MITF: variants seen among roughly 807,000 people sequenced by gnomAD.
The protein encoded by MITF is melanocyte inducing transcription factor.
In MITF, 17 loss-of-function variants were observed where a neutral mutation model predicts 60.5. The ratio of observed to expected loss-of-function variants is 0.28; its 90% confidence interval spans 0.19 to 0.42. MITF has a LOEUF of 0.42. MITF is among the 10% of genes least tolerant of loss of function. The pLI is 1.00. For missense variants in MITF, 622 were observed against 683.5 expected (o/e 0.91, Z 1.00); for synonymous variants, 260 against 248.5 (o/e 1.05, Z -0.43).
intron 2 of MITF, among the ~76,000 whole-genome samples, chr3:69,887,351 G>A (rs1170879344): frequency 6.6e-6 from 1 of 151,980 alleles, no homozygotes; most frequent in Non-Finnish European, 1.5e-5. Flanking sequence ...TACTAAAATC[G>A]GTGGGTGTGA....
At chr3:69,873,807 T>C (rs1011011864) in intron 1 of MITF, among the ~76,000 whole-genome samples, 2 of 152,220 alleles carry the variant, frequency 1.3e-5, no homozygotes, top group Non-Finnish European at 2.9e-5. Context: ...ATTTTACTAT[T>C]AGTTTCCAAA....
chr3:69,788,963 A>C (rs112209100), intron 1 of MITF, among the ~76,000 whole-genome samples: 36 of 152,310 alleles, frequency 2.4e-4, no homozygotes, highest in African/African-American at 8.4e-4. Context: ...TTCAAGACCT[A>C]AATGTAAGAC....
At chr3:69,942,033 T>C (rs2065980525) in intron 5 of MITF, among the ~76,000 whole-genome samples, 1 of 152,164 alleles carries the variant, frequency 6.6e-6, no homozygotes, top group African/African-American at 2.4e-5. Context: ...CAAGATTACA[T>C]AGCTTGGGTG....
intron 1 of MITF, among the ~76,000 whole-genome samples, chr3:69,806,273 G>T (rs1376307931): frequency 6.6e-6 from 1 of 151,950 alleles, no homozygotes; most frequent in Non-Finnish European, 1.5e-5. Context: ...TTTTGGTAGA[G>T]ACAGGGTTTT....
intron 1 of MITF, among the ~76,000 whole-genome samples, chr3:69,822,045 A>G (rs910395043): frequency 8.5e-5 from 13 of 152,172 alleles, no homozygotes; most frequent in Non-Finnish European, 1.6e-4. Context: ...GCCCAGCCCA[A>G]ACTGGATTTT....
At chr3:69,953,587 G>T (rs994652333) in intron 7 of MITF, among the ~76,000 whole-genome samples, 8 of 147,356 alleles carry the variant, frequency 5.4e-5, no homozygotes, top group Admixed American at 2.0e-4. Flanking sequence ...GTGTATGTGT[G>T]TATATATATA....
At chr3:69,907,997 G>A (rs1389910399) in intron 2 of MITF, among the ~76,000 whole-genome samples, 2 of 152,168 alleles carry the variant, frequency 1.3e-5, no homozygotes, top group African/African-American at 4.8e-5. Flanking sequence ...AAGAATGAGG[G>A]AAGTAAACCA....
At chr3:69,942,266 A>C (rs2065985744) in intron 5 of MITF, among the ~76,000 whole-genome samples, 2 of 152,286 alleles carry the variant, frequency 1.3e-5, no homozygotes, top group South Asian at 2.1e-4. Context: ...CAATGTGAAC[A>C]TACATAACAC....
At chr3:69,747,476 TG>T (rs1244562393) in intron 1 of MITF, among the ~76,000 whole-genome samples, 1 of 152,248 alleles carries the variant, frequency 6.6e-6, no homozygotes, top group East Asian at 1.9e-4. Flanking sequence ...TTCTCTCTTC[TG>T]TAAAACGGGA....
intron 4 of MITF, among the ~76,000 whole-genome samples, chr3:69,940,156 T>C (rs141571591): frequency 4.3e-4 from 65 of 152,302 alleles, no homozygotes; most frequent in African/African-American, 1.5e-3. Flanking sequence ...TGAACCCCCA[T>C]TTTATAGATT....
chr3:69,843,782 T>C (rs1232827524), intron 1 of MITF, among the ~76,000 whole-genome samples: 2 of 152,302 alleles, frequency 1.3e-5, no homozygotes, highest in African/African-American at 4.8e-5. Flanking sequence ...CTGGGATACA[T>C]GTGCAGAACG....
intron 1 of MITF, among the ~76,000 whole-genome samples, chr3:69,793,691 C>T (rs1324777960): frequency 6.6e-6 from 1 of 152,186 alleles, no homozygotes; most frequent in African/African-American, 2.4e-5. Context: ...CACTACTTTT[C>T]TTTATGTATT....
At chr3:69,923,927 A>C (rs1263516378) in intron 2 of MITF, among the ~76,000 whole-genome samples, 4 of 151,376 alleles carry the variant, frequency 2.6e-5, no homozygotes, top group Admixed American at 6.6e-5. Flanking sequence ...TTTTTTTGGC[A>C]AAGTACTTTT....
chr3:69,818,649 T>G (rs2063218956), intron 1 of MITF, among the ~76,000 whole-genome samples: 1 of 152,208 alleles, frequency 6.6e-6, no homozygotes, highest in African/African-American at 2.4e-5. Context: ...TAAATATTTG[T>G]TGAATGAAAA....
intron 2 of MITF, among the ~76,000 whole-genome samples, chr3:69,920,987 C>CAA (rs2065454381): frequency 6.6e-6 from 1 of 152,168 alleles, no homozygotes; most frequent in African/African-American, 2.4e-5. Context: ...CCTGCCTCAG[C>CAA]CTCCCAAGTA....
chr3:69,819,070 T>C (rs2063225631), intron 1 of MITF, among the ~76,000 whole-genome samples: 1 of 152,194 alleles, frequency 6.6e-6, no homozygotes, highest in Non-Finnish European at 1.5e-5. Flanking sequence ...AAAATGTGCA[T>C]GAACAAAAAC....
At chr3:69,824,400 A>AT (rs1437029393) in intron 1 of MITF, among the ~76,000 whole-genome samples, 2 of 152,076 alleles carry the variant, frequency 1.3e-5, no homozygotes, top group Non-Finnish European at 2.9e-5. Flanking sequence ...TGCTTCCTCT[A>AT]GGTTCTATGA....
At chr3:69,921,665 C>T (rs1374582857) in intron 2 of MITF, among the ~76,000 whole-genome samples, 1 of 152,158 alleles carries the variant, frequency 6.6e-6, no homozygotes, top group Non-Finnish European at 1.5e-5. Context: ...TGAAATAACT[C>T]TTGATAACTG....
chr3:69,800,569 C>T (rs2062903271), intron 1 of MITF, among the ~76,000 whole-genome samples: 1 of 152,092 alleles, frequency 6.6e-6, no homozygotes, highest in Non-Finnish European at 1.5e-5. Context: ...TTTGCATTCC[C>T]ACCAGCAATG....
Sources: allele counts gnomAD v4.1 joint callset (sites outside exome capture counted in the v4.1 genomes callset), GRCh38; gene constraint gnomAD v4.1.1; transcripts MANE v1.5; gene names NCBI Gene and HGNC (gene_info 2026-07-23, HGNC 2026-07-21).